MARCHF8: variants seen among roughly 807,000 people sequenced by gnomAD.
MARCHF8 encodes the protein E3 ubiquitin-protein ligase MARCHF8.
A neutral mutation model predicts 51.6 loss-of-function variants in MARCHF8; 40 were observed. That is an observed-to-expected ratio of 0.77 (90% CI 0.60 to 1.01). MARCHF8 has a LOEUF of 1.01. Among genes scored for constraint, MARCHF8 ranks in the 50% least tolerant of loss-of-function variants. The pLI is 0.00. For synonymous variants in MARCHF8, 263 were observed against 280.3 expected (o/e 0.94, Z 0.62); for missense variants, 685 against 708.6 (o/e 0.97, Z 0.38).
intron 2 of MARCHF8, among the ~76,000 whole-genome samples, chr10:45,527,080 C>T (rs886565904): frequency 1.1e-4 from 17 of 152,054 alleles, no homozygotes; most frequent in African/African-American, 4.1e-4. Flanking sequence ...AAAGTAGAGA[C>T]ACAACATACC....
chr10:45,523,229 A>G (rs1307706585), intron 2 of MARCHF8, among the ~76,000 whole-genome samples: 1 of 152,226 alleles, frequency 6.6e-6, no homozygotes, highest in Admixed American at 6.5e-5. Flanking sequence ...TCTCTGCATT[A>G]AAAAATAAAT....
upstream of MARCHF8, among the ~76,000 whole-genome samples, chr10:45,540,332 A>T (rs2044032672): frequency 6.6e-6 from 1 of 152,250 alleles, no homozygotes; most frequent in African/African-American, 2.4e-5. Flanking sequence ...TAACCAAAAC[A>T]GCATGGTACT....
chr10:45,499,556 T>G (rs2043239186), intron 2 of MARCHF8, among the ~76,000 whole-genome samples: 1 of 152,188 alleles, frequency 6.6e-6, no homozygotes, highest in South Asian at 2.1e-4. Flanking sequence ...TTTTAAGAAT[T>G]TTATAGTTTT....
At position 45,481,315 on chromosome 10, in the gene MARCHF8, T is replaced by A. The variant is rs1006844492; in HGVS notation, c.153+8052A>T. Among the ~76,000 whole-genome samples the A allele has an allele frequency of 3.3e-5, 5 of 152,354 alleles. No homozygotes were observed. In the South Asian group the frequency reaches 1.0e-3, roughly 32 times the overall value. ...GACTTTGGACTGTGGACTTTTGAGTTAATGCTGAAATGCGTTAAGACTTTG... is the reference window on the plus strand; with the variant it reads ...GACTTTGGACTGTGGACTTTTGAGTAAATGCTGAAATGCGTTAAGACTTTG... On this transcript the variant is annotated intron_variant, in intron 3 of 7. Transcript: ENST00000453424.
chr10:45,464,108 C>A, intron 4 of MARCHF8, 112 bp from the exon 5 acceptor site: 2 of 1,523,034 alleles, frequency 1.3e-6, no homozygotes, highest in Non-Finnish European at 1.8e-6. Context: ...GAGCAAACCA[C>A]ACATAAAACT....
At chr10:45,479,638 C>A (rs1308373556) in intron 3 of MARCHF8, among the ~76,000 whole-genome samples, 2 of 152,170 alleles carry the variant, frequency 1.3e-5, no homozygotes, top group African/African-American at 4.8e-5. Context: ...GCCCCTTTCA[C>A]TTGGTTCTCA....
chr10:45,558,601 C>T (rs921493300), intron 1 of MARCHF8, among the ~76,000 whole-genome samples: 1 of 152,226 alleles, frequency 6.6e-6, no homozygotes, highest in African/African-American at 2.4e-5. Flanking sequence ...GTTGACCTAT[C>T]AACCAAACGA....
chr10:45,576,629 AACTTAATC>A (rs1247920396), intron 1 of MARCHF8, among the ~76,000 whole-genome samples: 2 of 152,046 alleles, frequency 1.3e-5, no homozygotes, highest in African/African-American at 4.8e-5. Context: ...CTCATGTTGA[AACTTAATC>A]ACGCCCTGGT....
At chr10:45,471,405 CAAT>C (rs1161583197) in intron 3 of MARCHF8, among the ~76,000 whole-genome samples, 1 of 152,136 alleles carries the variant, frequency 6.6e-6, no homozygotes, top group African/African-American at 2.4e-5. Context: ...ACATTGAAGA[CAAT>C]GATTTCTGAG....
intron 2 of MARCHF8, among the ~76,000 whole-genome samples, chr10:45,523,248 C>T (rs1305965050): frequency 6.6e-6 from 1 of 152,114 alleles, no homozygotes. Context: ...ATTAGGGGCC[C>T]AATAGGGTGG....
chr10:45,577,580 A>G (rs1419196638), intron 1 of MARCHF8, among the ~76,000 whole-genome samples: 1 of 152,024 alleles, frequency 6.6e-6, no homozygotes, highest in Non-Finnish European at 1.5e-5. Context: ...TTGCCCTTCC[A>G]CTTTTCCATC....
intron 3 of MARCHF8, among the ~76,000 whole-genome samples, chr10:45,484,422 G>A (rs1382966886): frequency 3.3e-5 from 5 of 152,138 alleles, no homozygotes; most frequent in Non-Finnish European, 5.9e-5. Flanking sequence ...CGATTTCATG[G>A]GGGCTGCATT....
intron 1 of MARCHF8, among the ~76,000 whole-genome samples, chr10:45,584,120 T>G (rs2133430367): frequency 9.8e-6 from 1 of 101,724 alleles, no homozygotes; most frequent in South Asian, 3.3e-4. Flanking sequence ...CCAACATATA[T>G]ACAATCATAT....
chr10:45,530,235 A>C (rs1383610675), intron 2 of MARCHF8, among the ~76,000 whole-genome samples: 2 of 152,198 alleles, frequency 1.3e-5, no homozygotes, highest in African/African-American at 4.8e-5. Flanking sequence ...AAATATGTAC[A>C]CAGGGGCATA....
chr10:45,517,280 T>C (rs1023784748), intron 2 of MARCHF8, among the ~76,000 whole-genome samples: 11 of 152,188 alleles, frequency 7.2e-5, no homozygotes, highest in African/African-American at 2.4e-4. Context: ...AATATGAATA[T>C]AATGTAAAAA....
rs552627018 is a variant in MARCHF8 at position 45,524,765 on chromosome 10, C to A, written c.102+8345G>T. On this transcript the variant is annotated intron_variant, in intron 2 of 7. Transcript: ENST00000453424. ...TAAAAGTGTCAGTAAGAGAAAGCTA[C>A]AGACAGTTTGGTCTTATACTGTATC... Among the ~76,000 whole-genome samples the A allele has an allele frequency of 1.8e-4, 28 of 152,024 alleles. No individual in the cohort carries two copies. In the South Asian group the frequency reaches 4.8e-3, roughly 26 times the overall value.
intron 3 of MARCHF8, among the ~76,000 whole-genome samples, chr10:45,488,125 G>A (rs763333289): frequency 3.9e-5 from 6 of 152,080 alleles, no homozygotes; most frequent in Non-Finnish European, 5.9e-5. Context: ...CTCCTGGTGC[G>A]CTAAAAAGAC....
chr10:45,583,068 T>C (rs2044573273), intron 1 of MARCHF8, among the ~76,000 whole-genome samples: 1 of 152,188 alleles, frequency 6.6e-6, no homozygotes, highest in Non-Finnish European at 1.5e-5. Context: ...ATAAAATGTT[T>C]AGAAATATTA....
At chr10:45,540,353 C>G (rs1352792203), upstream of MARCHF8, among the ~76,000 whole-genome samples, 2 of 152,152 alleles carry the variant, frequency 1.3e-5, no homozygotes, top group African/African-American at 4.8e-5. Flanking sequence ...GGTACCAAAA[C>G]AGAGATATAG....
Sources: allele counts gnomAD v4.1 joint callset (sites outside exome capture counted in the v4.1 genomes callset), GRCh38; gene constraint gnomAD v4.1.1; transcripts MANE v1.5; gene names NCBI Gene and HGNC (gene_info 2026-07-23, HGNC 2026-07-21).